MYOM2: variants seen among roughly 807,000 people sequenced by gnomAD.
MYOM2 encodes myomesin 2, also known as myomesin-2.
In MYOM2, 254 loss-of-function variants were observed where a neutral mutation model predicts 187.6. The observed-to-expected ratio is 1.35, with a 90% CI of 1.22 to 1.50. MYOM2 has a LOEUF of 1.50. MYOM2 is among the 40% of genes most tolerant of loss of function. The probability of loss-of-function intolerance (pLI) is 0.00; values close to 1 mark genes in which losing one functional copy is unlikely to be tolerated. For missense variants in MYOM2, 2,796 were observed against 1,924.0 expected (o/e 1.45, Z -8.48); for synonymous variants, 981 against 753.8 (o/e 1.30, Z -4.94).
chr8:2,077,313 A>AC (rs1399721180), intron 11 of MYOM2, among the ~76,000 whole-genome samples: 1 of 152,186 alleles, frequency 6.6e-6, no homozygotes, highest in African/African-American at 2.4e-5. Context: ...CACCATCAAA[A>AC]AAAACAAAAC....
At chr8:2,051,492 C>A (rs150883744) in intron 2 of MYOM2, among the ~76,000 whole-genome samples, 1 of 152,172 alleles carries the variant, frequency 6.6e-6, no homozygotes, top group Non-Finnish European at 1.5e-5. Flanking sequence ...GGAGGGACCG[C>A]GGGCAGGCGT....
chr8:2,113,624 T>C (rs1197818014), intron 25 of MYOM2, among the ~76,000 whole-genome samples: 1 of 152,176 alleles, frequency 6.6e-6, no homozygotes. Flanking sequence ...AGCCGATGAC[T>C]GATCTGGAGG....
intron 17 of MYOM2, among the ~76,000 whole-genome samples, chr8:2,095,448 G>C (rs751440373): frequency 1.3e-4 from 20 of 151,872 alleles, no homozygotes; most frequent in Non-Finnish European, 2.8e-4. Context: ...CCACCACCAC[G>C]CCCAGCTAAT....
intron 26 of MYOM2, 24 bp downstream of exon 26, chr8:2,116,128 C>CAT (rs746733926): frequency 0.57 from 921,712 of 1,607,524 alleles, 268,138 homozygotes; most frequent in African/African-American, 0.75. Flanking sequence ...AATATTTCCA[C>CAT]GTCCATACAA....
At chr8:2,048,668 A>G (rs1347243784) in intron 1 of MYOM2, among the ~76,000 whole-genome samples, 1 of 152,236 alleles carries the variant, frequency 6.6e-6, no homozygotes, top group African/African-American at 2.4e-5. Context: ...ATTCGATCCC[A>G]GGTCTACCAG....
intron 21 of MYOM2, among the ~76,000 whole-genome samples, chr8:2,105,157 T>C (rs1197171579): frequency 1.3e-5 from 2 of 152,118 alleles, no homozygotes; most frequent in Admixed American, 6.5e-5. Context: ...GAGGGGATCA[T>C]CCACATCCAA....
At chr8:2,057,528 A>G (rs1818708976) in intron 4 of MYOM2, 42 bp downstream of exon 4, 1 of 1,613,418 alleles carries the variant, frequency 6.2e-7, no homozygotes, top group Middle Eastern at 1.6e-4. Flanking sequence ...GGAAGCGTGG[A>G]CTAGATCTTA....
intron 15 of MYOM2, among the ~76,000 whole-genome samples, chr8:2,091,115 C>T (rs965698858): frequency 2.2e-5 from 3 of 139,478 alleles, no homozygotes; most frequent in South Asian, 2.4e-4. Context: ...TTTAAGTGTT[C>T]CCTTTTCTCT....
intron 14 of MYOM2, 23 bp downstream of exon 14, chr8:2,085,413 G>T (rs751185824): frequency 6.3e-7 from 1 of 1,582,292 alleles, no homozygotes; most frequent in Non-Finnish European, 8.6e-7. Flanking sequence ...CCCGTGTCCT[G>T]GAAAAGTAGA....
chr8:2,063,896 G>A (rs151192181), intron 6 of MYOM2, among the ~76,000 whole-genome samples: 6 of 152,322 alleles, frequency 3.9e-5, no homozygotes, highest in Middle Eastern at 6.8e-3. Flanking sequence ...CATCTATTCT[G>A]GGAACCTGTC....
intron 31 of MYOM2, 78 bp from the exon 32 acceptor site, chr8:2,129,049 C>G: frequency 1.9e-6 from 2 of 1,064,762 alleles, no homozygotes; most frequent in Non-Finnish European, 2.9e-6. Context: ...GACAGGAGGG[C>G]TTGCCGCCGC....
chr8:2,092,637 C>G, intron 16 of MYOM2, 117 bp downstream of exon 16: 2 of 1,069,824 alleles, frequency 1.9e-6, no homozygotes, highest in Non-Finnish European at 2.6e-6. Flanking sequence ...GTAAATGAGT[C>G]TGTCTTAGCC....
In MYOM2 at chr8:2,100,113, TTTCCTTCCTTCCTTCTTTCC is replaced by T. The variant is rs1796646043; in HGVS notation, c.2441-747_2441-728del. 9.4e-3 allele frequency among the ~76,000 whole-genome samples: 592 copies of T among 62,720 alleles called. 16 individuals carry two copies. Among genetic ancestry groups the T allele is most frequent in the African/African-American group, 0.029 (544 of 18,606 alleles). 41.1% of individuals were successfully genotyped at this position (62,720 alleles called of 152,430 possible). A position where few individuals can be genotyped will look rare whatever the true frequency, so the allele number is the denominator to read the frequency against. On this transcript the variant is annotated intron_variant, in intron 19 of 36. Transcript: ENST00000262113. ...CCTTCCTTCCTTCCTTCCTTCTTTC[TTTCCTTCCTTCCTTCTTTCC>T]TTCCTTCCTTCCTTCCTTCCTTCCT...
intron 18 of MYOM2, among the ~76,000 whole-genome samples, chr8:2,098,513 G>A (rs972898650): frequency 2.6e-5 from 4 of 152,166 alleles, no homozygotes; most frequent in Non-Finnish European, 4.4e-5. Context: ...CGAAGCCTCC[G>A]CCCTTGAGTT....
intron 32 of MYOM2, among the ~76,000 whole-genome samples, chr8:2,136,156 G>A (rs73657764): frequency 0.13 from 19,840 of 152,178 alleles, 2,198 homozygotes; most frequent in African/African-American, 0.28. Flanking sequence ...GGGTCAGAAC[G>A]CCAACATGGG....
intron 25 of MYOM2, among the ~76,000 whole-genome samples, chr8:2,114,290 T>C (rs1028721354): frequency 2.0e-5 from 3 of 152,212 alleles, no homozygotes; most frequent in African/African-American, 4.8e-5. Context: ...TGTGGACTGT[T>C]CCTGTGATAC....
chr8:2,105,866 T>C (rs1274990994), intron 21 of MYOM2, among the ~76,000 whole-genome samples: 1 of 152,176 alleles, frequency 6.6e-6, no homozygotes, highest in Non-Finnish European at 1.5e-5. Context: ...AAGAAATATC[T>C]GAGACTGGGT....
rs1818508417 is a variant in MYOM2 at position 2,052,052 on chromosome 8, A to G, written c.108-106A>G. ...ATGTGTGTGTTTGTGTGTGCTCTGC[A>G]TATACCAGTGGTTTGGGGTGTGTAG... On this transcript the variant is annotated intron_variant, in intron 2 of 36. Coordinates refer to ENST00000262113, the MANE Select transcript of MYOM2 (RefSeq NM_003970.4). The G allele has an allele frequency of 2.1e-6, 3 of 1,407,792 alleles. No homozygotes were observed. In the East Asian group the frequency reaches 6.9e-5, roughly 32 times the overall value. The allele number at this position is 1,407,792 out of a possible 1,614,324, so 87.2% of individuals were successfully genotyped here.
At position 2,057,461 on chromosome 8, in the gene MYOM2, T is replaced by C. The variant is rs1223360104; in HGVS notation, c.377T>C (p.Leu126Pro). 6.2e-7 allele frequency: 1 copy of C among 1,613,958 alleles called. No individual in the cohort carries two copies. The highest frequency in any genetic ancestry group is 1.7e-5 in the Admixed American group (1 of 59,990). The change falls in exon 4 of 37, where the codon CTG (leucine) becomes CCG (proline). Residue 126 changes from leucine to proline, a missense_variant. Coordinates refer to ENST00000262113, the MANE Select transcript of MYOM2 (RefSeq NM_003970.4). ...GCACGCTCCCAGGCCCGCGACAAGC[T>C]GGACAAATACGCCATTCAGCAGATG... Reference protein sequence around the residue: ...HLARSQARDKLDKYAIQQMME... With the variant: ...HLARSQARDKPDKYAIQQMME...
Sources: allele counts gnomAD v4.1 joint callset (sites outside exome capture counted in the v4.1 genomes callset), GRCh38; gene constraint gnomAD v4.1.1; transcripts MANE v1.5; gene names NCBI Gene and HGNC (gene_info 2026-07-23, HGNC 2026-07-21).